CNTNAP2: variants seen among roughly 807,000 people sequenced by gnomAD.
The protein encoded by CNTNAP2 is contactin-associated protein-like 2.
A neutral mutation model predicts 155.2 loss-of-function variants in CNTNAP2; 98 were observed. The observed-to-expected ratio is 0.63, with a 90% confidence interval of 0.54 to 0.75. The LOEUF (loss-of-function observed/expected upper bound fraction) is 0.75. Ranked by LOEUF, CNTNAP2 falls within the 30% of genes least tolerant of loss-of-function variation. The pLI, the probability that CNTNAP2 is intolerant of heterozygous loss-of-function variation, is 0.00. For missense variants in CNTNAP2, 1,727 were observed against 1,688.1 expected, an observed-to-expected ratio of 1.02 and a Z score of -0.40; for synonymous variants, 651 against 631.2, an observed-to-expected ratio of 1.03 and a Z score of -0.47.
At chr7:147,209,739 C>T (rs1454039797) in intron 8 of CNTNAP2, among the ~76,000 whole-genome samples, 1 of 151,742 alleles carries the variant, frequency 6.6e-6, no homozygotes, top group African/African-American at 2.4e-5. Flanking sequence ...ATGGATCTTA[C>T]TATTTTGAGG....
chr7:147,887,214 G>A (rs946164861), intron 13 of CNTNAP2, among the ~76,000 whole-genome samples: 1 of 152,240 alleles, frequency 6.6e-6, no homozygotes, highest in African/African-American at 2.4e-5. Flanking sequence ...GCTCACGCCT[G>A]TAATCCCAGC....
At chr7:147,168,275 G>A (rs1165278442) in intron 8 of CNTNAP2, among the ~76,000 whole-genome samples, 1 of 151,440 alleles carries the variant, frequency 6.6e-6, no homozygotes, top group African/African-American at 2.4e-5. Context: ...TCAATTCAAA[G>A]ATATGTTTCC....
chr7:146,894,018 G>A (rs1032856190), intron 3 of CNTNAP2, among the ~76,000 whole-genome samples: 1 of 152,116 alleles, frequency 6.6e-6, no homozygotes, highest in Admixed American at 6.6e-5. Flanking sequence ...GAAGACAGTG[G>A]ATACTGCCTA....
At chr7:147,951,388 C>T (rs1441831146) in intron 14 of CNTNAP2, among the ~76,000 whole-genome samples, 6 of 152,070 alleles carry the variant, frequency 3.9e-5, no homozygotes. Flanking sequence ...GACTGACCAT[C>T]AGTAGGCTTT....
intron 8 of CNTNAP2, among the ~76,000 whole-genome samples, chr7:147,205,681 A>G (rs1803009681): frequency 6.6e-6 from 1 of 151,948 alleles, no homozygotes; most frequent in East Asian, 1.9e-4. Context: ...TAAAAAAAAT[A>G]AAATTTTAAA....
At chr7:147,120,597 A>G (rs1034679560) in intron 5 of CNTNAP2, among the ~76,000 whole-genome samples, 1 of 151,654 alleles carries the variant, frequency 6.6e-6, no homozygotes, top group Non-Finnish European at 1.5e-5. Context: ...TTACTATTAC[A>G]TTTTATTTTA....
chr7:146,666,951 T>G (rs1304134761), intron 1 of CNTNAP2, among the ~76,000 whole-genome samples: 1 of 152,162 alleles, frequency 6.6e-6, no homozygotes, highest in Non-Finnish European at 1.5e-5. Flanking sequence ...TCAGTCTGAT[T>G]GTTTCTTTTG....
chr7:146,304,157 G>A (rs193026073), intron 1 of CNTNAP2, among the ~76,000 whole-genome samples: 22 of 140,360 alleles, frequency 1.6e-4, no homozygotes, highest in Non-Finnish European at 9.1e-5. Context: ...TTGAGCCTAT[G>A]TGTGTCTCTG....
At chr7:147,680,323 C>T (rs892266384) in intron 13 of CNTNAP2, among the ~76,000 whole-genome samples, 8 of 151,818 alleles carry the variant, frequency 5.3e-5, no homozygotes, top group Non-Finnish European at 7.4e-5. Context: ...GTAATAACTA[C>T]GGTACTTCTA....
At chr7:146,349,045 G>T (rs750954711) in intron 1 of CNTNAP2, among the ~76,000 whole-genome samples, 9 of 152,120 alleles carry the variant, frequency 5.9e-5, no homozygotes, top group Admixed American at 2.0e-4. Context: ...TTTTCTGTTA[G>T]TTCATAGTAA....
intron 20 of CNTNAP2, among the ~76,000 whole-genome samples, chr7:148,232,310 G>A (rs1029321035): frequency 2.0e-5 from 3 of 152,140 alleles, no homozygotes; most frequent in Non-Finnish European, 1.5e-5. Context: ...GAAGTAATTC[G>A]GAAAGTGCTT....
At chr7:148,355,794 C>T (rs996213522) in intron 21 of CNTNAP2, among the ~76,000 whole-genome samples, 3 of 152,194 alleles carry the variant, frequency 2.0e-5, no homozygotes, top group African/African-American at 7.2e-5. Flanking sequence ...TAAAGGACAG[C>T]AGAATCCAGC....
chr7:147,851,568 T>C (rs1277195617), intron 13 of CNTNAP2, among the ~76,000 whole-genome samples: 4 of 151,882 alleles, frequency 2.6e-5, no homozygotes, highest in African/African-American at 9.7e-5. Flanking sequence ...GTGGCACATA[T>C]ACACCATGGA....
intron 13 of CNTNAP2, among the ~76,000 whole-genome samples, chr7:147,786,119 G>A (rs1354802499): frequency 1.1e-4 from 17 of 151,668 alleles, no homozygotes; most frequent in African/African-American, 3.4e-4. Flanking sequence ...GTGAAACCCC[G>A]TCTCTACTAA....
intron 14 of CNTNAP2, among the ~76,000 whole-genome samples, chr7:147,964,211 G>A (rs373927597): frequency 6.6e-6 from 1 of 152,086 alleles, no homozygotes; most frequent in African/African-American, 2.4e-5. Flanking sequence ...AAGGAGAGAG[G>A]CATCACCAGA....
chr7:148,168,708 A>T (rs868314685), intron 17 of CNTNAP2, among the ~76,000 whole-genome samples: 1 of 152,204 alleles, frequency 6.6e-6, no homozygotes, highest in Non-Finnish European at 1.5e-5. Flanking sequence ...AACTTAAAGT[A>T]TAATTTAAAA....
At chr7:148,160,173 T>G (rs986753412) in intron 17 of CNTNAP2, among the ~76,000 whole-genome samples, 2 of 151,628 alleles carry the variant, frequency 1.3e-5, no homozygotes, top group African/African-American at 4.9e-5. Flanking sequence ...CCAGGAGGTC[T>G]AGGCTGCAGT....
At chr7:147,674,163 G>A (rs1430287692) in intron 13 of CNTNAP2, among the ~76,000 whole-genome samples, 1 of 152,078 alleles carries the variant, frequency 6.6e-6, no homozygotes, top group Admixed American at 6.6e-5. Flanking sequence ...ACTAGCATGC[G>A]ATAGTAAGCC....
At chr7:147,117,012 T>C (rs1801005123) in intron 5 of CNTNAP2, among the ~76,000 whole-genome samples, 1 of 152,202 alleles carries the variant, frequency 6.6e-6, no homozygotes, top group Admixed American at 6.5e-5. Flanking sequence ...GGCTTTGTCC[T>C]GATGACAGTG....
Sources: allele counts gnomAD v4.1 joint callset (sites outside exome capture counted in the v4.1 genomes callset), GRCh38; gene constraint gnomAD v4.1.1; transcripts MANE v1.5; gene names NCBI Gene and HGNC (gene_info 2026-07-23, HGNC 2026-07-21).